The following RAPGEF1 variants were observed in gnomAD, a reference collection of about 807,000 sequenced individuals.
RAPGEF1 encodes Rap guanine nucleotide exchange factor 1.
Under a neutral mutation model 143.3 loss-of-function variants are expected in RAPGEF1, and 33 were observed. The ratio of observed to expected loss-of-function variants is 0.23; its 90% confidence interval spans 0.17 to 0.31. The LOEUF is 0.31. RAPGEF1 is among the 10% of genes least tolerant of loss of function. The pLI is 1.00. For synonymous variants in RAPGEF1, 629 were observed against 676.5 expected, an observed-to-expected ratio of 0.93 and a Z score of 1.09; for missense variants, 1,199 against 1,645.4, an observed-to-expected ratio of 0.73 and a Z score of 4.69.
intron 1 of RAPGEF1, among the ~76,000 whole-genome samples, chr9:131,724,234 T>A (rs1157384042): frequency 6.6e-6 from 1 of 152,162 alleles, no homozygotes; most frequent in Non-Finnish European, 1.5e-5. Flanking sequence ...TATTCAATTT[T>A]CAGACATGCT....
chr9:131,663,903 C>G (rs1830006994), intron 1 of RAPGEF1, among the ~76,000 whole-genome samples: 1 of 152,134 alleles, frequency 6.6e-6, no homozygotes, highest in Non-Finnish European at 1.5e-5. Context: ...CACTGATGAT[C>G]CTTATGTGAA....
intron 13 of RAPGEF1, 97 bp from the exon 14 acceptor site, chr9:131,604,150 T>C (rs1017016541): frequency 3.0e-5 from 21 of 704,438 alleles, no homozygotes; most frequent in Non-Finnish European, 4.6e-5. Flanking sequence ...ACTCTGGTCT[T>C]CCCAGGTGCA....
At chr9:131,672,134 G>T (rs1831503195) in intron 1 of RAPGEF1, among the ~76,000 whole-genome samples, 2 of 152,276 alleles carry the variant, frequency 1.3e-5, no homozygotes, top group South Asian at 4.1e-4. Flanking sequence ...CCCCTCCTGA[G>T]CCTGGAACTA....
intron 1 of RAPGEF1, among the ~76,000 whole-genome samples, chr9:131,711,022 A>G (rs1168766658): frequency 6.6e-6 from 1 of 151,852 alleles, no homozygotes; most frequent in African/African-American, 2.4e-5. Flanking sequence ...ATGCTGCCTG[A>G]CACTCAGGAG....
chr9:131,722,545 A>G (rs1836341587), intron 1 of RAPGEF1, among the ~76,000 whole-genome samples: 1 of 152,232 alleles, frequency 6.6e-6, no homozygotes, highest in South Asian at 2.1e-4. Context: ...TATCACCACC[A>G]GGGGCTAGAG....
chr9:131,642,912 C>T (rs1457755013), intron 4 of RAPGEF1, among the ~76,000 whole-genome samples: 1 of 152,130 alleles, frequency 6.6e-6, no homozygotes, highest in Non-Finnish European at 1.5e-5. Context: ...AAAACAGGCT[C>T]CTCCCACCCG....
At chr9:131,633,723 G>C (rs1043718302) in intron 5 of RAPGEF1, among the ~76,000 whole-genome samples, 7 of 152,138 alleles carry the variant, frequency 4.6e-5, no homozygotes, top group Admixed American at 4.6e-4. Flanking sequence ...TAAAAGGGGC[G>C]GGCTGCTTTT....
At chr9:131,598,827 C>CGTT (rs1554811478) in intron 15 of RAPGEF1, among the ~76,000 whole-genome samples, 18 of 138,956 alleles carry the variant, frequency 1.3e-4, no homozygotes, top group African/African-American at 4.0e-4. Flanking sequence ...TATTTATTTG[C>CGTT]TTTTTTTTTT....
At chr9:131,587,302 TCAAA>T (rs1436048009) in intron 22 of RAPGEF1, among the ~76,000 whole-genome samples, 2 of 97,534 alleles carry the variant, frequency 2.1e-5, no homozygotes, top group Admixed American at 9.8e-5. Flanking sequence ...AGACTCCGTC[TCAAA>T]CACACACACA....
intron 9 of RAPGEF1, among the ~76,000 whole-genome samples, chr9:131,627,704 T>C (rs369884436): frequency 1.3e-5 from 2 of 152,170 alleles, no homozygotes; most frequent in African/African-American, 4.8e-5. Flanking sequence ...TGGTTTTACA[T>C]TGTGATTTCA....
intron 11 of RAPGEF1, among the ~76,000 whole-genome samples, chr9:131,619,786 G>A (rs1960214929): frequency 6.6e-6 from 1 of 152,186 alleles, no homozygotes; most frequent in African/African-American, 2.4e-5. Flanking sequence ...GGGCCAACAG[G>A]TGTGTGTAAT....
intron 1 of RAPGEF1, among the ~76,000 whole-genome samples, chr9:131,666,223 C>A (rs763686645): frequency 6.6e-6 from 1 of 152,132 alleles, no homozygotes; most frequent in Non-Finnish European, 1.5e-5. Flanking sequence ...TTTGGTGGGA[C>A]GCTTCAGCCT....
rs575174424 is a variant in RAPGEF1 at position 131,698,101 on chromosome 9, G to C, written c.61+41669C>G. On this transcript the variant is annotated intron_variant, in intron 1 of 26. Transcript: ENST00000683357. Reference sequence around the variant, plus strand: ...ATCTGTGTCAATAACACACCACTGTGACCTCAAAGGGATTCTCATAAATAC... The same window carrying C: ...ATCTGTGTCAATAACACACCACTGTCACCTCAAAGGGATTCTCATAAATAC... Among the ~76,000 whole-genome samples the C allele has an allele frequency of 5.8e-4, 88 of 152,238 alleles. 2 individuals carry two copies. Among genetic ancestry groups the C allele is most frequent in the Admixed American group, 5.6e-3 (86 of 15,292 alleles).
intron 1 of RAPGEF1, among the ~76,000 whole-genome samples, chr9:131,656,396 G>A (rs1427470424): frequency 6.6e-6 from 1 of 152,166 alleles, no homozygotes; most frequent in African/African-American, 2.4e-5. Context: ...GCCCCACAGT[G>A]TCCCTAAAAG....
chr9:131,628,467 T>C lies in RAPGEF1; in HGVS notation c.1017+82A>G, dbSNP rs1452325246. 3.2e-6 allele frequency: 5 copies of C among 1,544,148 alleles called. No individual in the cohort carries two copies. Among genetic ancestry groups the C allele is most frequent in the Non-Finnish European group, 4.4e-6 (5 of 1,137,154 alleles). On this transcript the variant is annotated intron_variant, in intron 8 of 26. Coordinates refer to ENST00000683357, the MANE Select transcript of RAPGEF1 (RefSeq NM_001377935.1). The surrounding 1 kb of genome is among the most constrained non-coding windows in gnomAD (Gnocchi z 5.7). Reference sequence around the variant, plus strand: ...AACACCAGCGCCTGAAGACCATGGGTTTCTTTCAGCTTCAGGAGCCACATC... The same window carrying C: ...AACACCAGCGCCTGAAGACCATGGGCTTCTTTCAGCTTCAGGAGCCACATC...
At chr9:131,735,807 G>A (rs1420852104) in intron 1 of RAPGEF1, among the ~76,000 whole-genome samples, 1 of 152,180 alleles carries the variant, frequency 6.6e-6, no homozygotes. Context: ...AGCGCTCAGA[G>A]TTACCAGAGA....
At chr9:131,606,560 A>AT (rs1472521144) in intron 12 of RAPGEF1, among the ~76,000 whole-genome samples, 4 of 152,116 alleles carry the variant, frequency 2.6e-5, no homozygotes, top group Non-Finnish European at 4.4e-5. Context: ...GTGGCTGGGG[A>AT]TTTTCAGAAC....
chr9:131,604,119 C>G, intron 13 of RAPGEF1, 66 bp from the exon 14 acceptor site: 1 of 1,006,216 alleles, frequency 9.9e-7, no homozygotes, highest in Non-Finnish European at 1.4e-6. Context: ...TCACAGCTGG[C>G]CAGGGGATGC....
chr9:131,627,515 C>G (rs1227252241), intron 9 of RAPGEF1, among the ~76,000 whole-genome samples: 1 of 152,214 alleles, frequency 6.6e-6, no homozygotes, highest in Non-Finnish European at 1.5e-5. Flanking sequence ...ACATTCAGCA[C>G]TGACTAACGA....
Sources: allele counts gnomAD v4.1 joint callset (sites outside exome capture counted in the v4.1 genomes callset), GRCh38; gene constraint gnomAD v4.1.1; non-coding constraint Gnocchi (gnomAD v3.1); transcripts MANE v1.5; gene names NCBI Gene and HGNC (gene_info 2026-07-23, HGNC 2026-07-21).